TMEM225B: variants seen among roughly 807,000 people sequenced by gnomAD.
TMEM225B encodes the protein transmembrane protein 225B.
TMEM225B carries 10 observed loss-of-function variants against 16.9 expected under a neutral mutation model. That is an observed-to-expected ratio of 0.59 (90% CI 0.36 to 1.00). TMEM225B has a LOEUF of 1.00. Among genes scored for constraint, TMEM225B ranks in the 50% least tolerant of loss-of-function variants. TMEM225B has a pLI of 0.01. For missense variants in TMEM225B, 217 were observed against 267.0 expected (o/e 0.81, Z 1.30); for synonymous variants, 92 against 109.8 (o/e 0.84, Z 1.01).
chr7:99,599,105 G>A (rs886753697), intron 1 of TMEM225B, among the ~76,000 whole-genome samples: 1 of 149,220 alleles, frequency 6.7e-6, no homozygotes, highest in Non-Finnish European at 1.5e-5. Context: ...GACTACAGGC[G>A]CCCCCACCAC....
At chr7:99,607,651 G>T (rs1232590952) in intron 4 of TMEM225B, 22 bp from the exon 5 acceptor site, 7 of 1,530,646 alleles carry the variant, frequency 4.6e-6, no homozygotes, top group Middle Eastern at 1.8e-4. Context: ...GAGACCGAGG[G>T]TGTCTCCCTG....
chr7:99,608,387 C>T (rs1311377157), intron 5 of TMEM225B, among the ~76,000 whole-genome samples: 3 of 152,138 alleles, frequency 2.0e-5, no homozygotes, highest in African/African-American at 7.2e-5. Context: ...AAATTTCCTT[C>T]TCTGCAGAAC....
rs918176242 is a variant in TMEM225B, at chr7:99,610,639, C to T, written c.*74C>T. 3.0e-6 allele frequency: 4 copies of T among 1,341,816 alleles called. No individual in the cohort carries two copies. The highest frequency in any genetic ancestry group is 4.1e-6 in the Non-Finnish European group (4 of 982,936). 83.1% of individuals were successfully genotyped at this position (1,341,816 alleles called of 1,614,324 possible). A position where few individuals can be genotyped will look rare whatever the true frequency, so the allele number is the denominator to read the frequency against. ...ATGTAGCTGTTTGTAGTCCTCCCCA[C>T]CCTCTCTGCCAGTATCTGTGCCTTT... On this transcript the variant is annotated 3_prime_UTR_variant, in exon 6 of 6. Transcript: ENST00000431679.
chr7:99,600,996 G>A (rs73405284), intron 2 of TMEM225B, among the ~76,000 whole-genome samples: 1 of 151,746 alleles, frequency 6.6e-6, no homozygotes, highest in African/African-American at 2.4e-5. Context: ...GTGAAGGAGA[G>A]AAAAAAAGGT....
In TMEM225B at chr7:99,598,334, A is replaced by C. The variant is rs568237758; in HGVS notation, c.-132A>C. On this transcript the variant is annotated 5_prime_UTR_variant, in exon 1 of 6. Coordinates refer to ENST00000431679, the MANE Select transcript of TMEM225B (RefSeq NM_001195541.3). ...GAGGGTCCCACCGTGACCCGCCTGG[A>C]GGGCAGCCCAGCTCTGGGACGCGAA... The C allele has an allele frequency of 1.3e-5, 2 of 152,326 alleles. No individual in the cohort carries two copies. Among genetic ancestry groups the C allele is most frequent in the South Asian group, 4.2e-4 (2 of 4,802 alleles). The allele number at this position is 152,326 out of a possible 1,614,324, so 9.4% of individuals were successfully genotyped here.
intron 5 of TMEM225B, 122 bp from the exon 6 acceptor site, chr7:99,610,271 G>A (rs963044565): frequency 1.5e-6 from 1 of 665,442 alleles, no homozygotes; most frequent in Non-Finnish European, 2.5e-6. Context: ...ATCTCTCTCT[G>A]TAATACTCTA....
rs190775682 is a variant in TMEM225B at position 99,603,251 on chromosome 7, G to A, written c.-3-1135G>A. On this transcript the variant is annotated intron_variant, in intron 2 of 5. Transcript: ENST00000431679. ...CCTAAACCCACAGTTCCTGTGGTCA[G>A]AAGGCCAGTCACTGAATAAGGGCAC... is the stretch of plus-strand genomic sequence containing the variant. Among the ~76,000 whole-genome samples, 198 of 152,332 alleles carry A rather than the reference G, an allele frequency of 1.3e-3. 1 individual carries two copies. The highest frequency in any genetic ancestry group is 6.8e-3 in the Middle Eastern group (2 of 294).
At chr7:99,610,157 T>A (rs1806222801) in intron 5 of TMEM225B, among the ~76,000 whole-genome samples, 1 of 152,170 alleles carries the variant, frequency 6.6e-6, no homozygotes, top group Admixed American at 6.5e-5. Context: ...TTTCACCCAT[T>A]AATGGGCTAC....
At chr7:99,610,246 C>T (rs890313305) in intron 5 of TMEM225B, 147 bp from the exon 6 acceptor site, 18 of 579,172 alleles carry the variant, frequency 3.1e-5, no homozygotes, top group Non-Finnish European at 3.9e-5. Context: ...TGTCCTTTGA[C>T]GCATCCTGTC....
intron 2 of TMEM225B, among the ~76,000 whole-genome samples, chr7:99,601,274 A>G (rs1019960608): frequency 2.0e-5 from 3 of 152,078 alleles, no homozygotes; most frequent in Non-Finnish European, 4.4e-5. Flanking sequence ...TGGAGAGTGG[A>G]TGGGAGATGG....
chr7:99,606,918 T>TG (rs1584317106), intron 4 of TMEM225B, 24 bp downstream of exon 4: 1 of 1,535,748 alleles, frequency 6.5e-7, no homozygotes, highest in East Asian at 2.4e-5. Flanking sequence ...AGGTGATCCC[T>TG]GACCTTCGCT....
intron 3 of TMEM225B, among the ~76,000 whole-genome samples, chr7:99,606,224 G>A (rs1383346878): frequency 6.6e-6 from 1 of 152,224 alleles, no homozygotes; most frequent in African/African-American, 2.4e-5. Flanking sequence ...GAGCCCAGGA[G>A]GTTGAGGCTG....
At position 99,604,415 on chromosome 7, in the gene TMEM225B, G is replaced by C. The variant is rs1805619111; in HGVS notation, c.27G>C (p.Met9Ile). The C allele has an allele frequency of 1.3e-6, 2 of 1,536,080 alleles. No homozygotes were observed. The highest frequency in any genetic ancestry group is 4.9e-5 in the East Asian group (2 of 40,912). The change falls in exon 3 of 6, where the codon ATG (methionine) becomes ATC (isoleucine). Residue 9 changes from methionine (M) to isoleucine (I), a missense_variant. Met to Ile is a conservative substitution (Grantham distance 10). Coordinates refer to ENST00000431679, the MANE Select transcript of TMEM225B (RefSeq NM_001195541.3). ...TGCTGACGTTAGAGGACAAGGACAT[G>C]AAGGGATTCTCCTGGGCCATAGTCC... Reference protein sequence around the residue: MLTLEDKDMKGFSWAIVPA... With the variant: MLTLEDKDIKGFSWAIVPA...
At chr7:99,601,691 A>G (rs1805375180) in intron 2 of TMEM225B, among the ~76,000 whole-genome samples, 1 of 152,236 alleles carries the variant, frequency 6.6e-6, no homozygotes, top group Non-Finnish European at 1.5e-5. Flanking sequence ...GAAGATGAAC[A>G]TGTGTTTACC....
intron 5 of TMEM225B, among the ~76,000 whole-genome samples, chr7:99,609,276 A>G (rs1426275793): frequency 6.6e-6 from 1 of 152,156 alleles, no homozygotes; most frequent in Non-Finnish European, 1.5e-5. Flanking sequence ...CCATTTTTCC[A>G]TGATTTCCAT....
At chr7:99,602,512 T>C (rs1416442977) in intron 2 of TMEM225B, among the ~76,000 whole-genome samples, 1 of 152,190 alleles carries the variant, frequency 6.6e-6, no homozygotes, top group Non-Finnish European at 1.5e-5. Flanking sequence ...ATTCTTATCA[T>C]TGGGCAGGTG....
At chr7:99,610,163 G>C (rs946702148) in intron 5 of TMEM225B, among the ~76,000 whole-genome samples, 29 of 152,080 alleles carry the variant, frequency 1.9e-4, no homozygotes, top group African/African-American at 6.8e-4. Context: ...CCATTAATGG[G>C]CTACATGATT....
chr7:99,610,590 T>A lies in TMEM225B; in HGVS notation c.*25T>A. On this transcript the variant is annotated 3_prime_UTR_variant, in exon 6 of 6. Coordinates refer to ENST00000431679, the MANE Select transcript of TMEM225B (RefSeq NM_001195541.3). ...GCCCAGGACATGGCTTCTTTACCCT[T>A]CTTCAAGCCATGTGAGTGTACACAT... is the stretch of plus-strand genomic sequence containing the variant. The A allele has an allele frequency of 6.5e-7, 1 of 1,534,382 alleles. No individual in the cohort carries two copies. The highest frequency in any genetic ancestry group is 8.7e-7 in the Non-Finnish European group (1 of 1,145,586).
intron 1 of TMEM225B, among the ~76,000 whole-genome samples, chr7:99,599,338 C>T (rs1321521151): frequency 1.3e-5 from 2 of 152,024 alleles, no homozygotes; most frequent in East Asian, 3.9e-4. Context: ...AATTTCAGCA[C>T]TTTGGGAGGT....
Sources: allele counts gnomAD v4.1 joint callset (sites outside exome capture counted in the v4.1 genomes callset), GRCh38; gene constraint gnomAD v4.1.1; transcripts MANE v1.5; gene names NCBI Gene and HGNC (gene_info 2026-07-23, HGNC 2026-07-21).